Variants in EPHA6 observed in about 807,000 individuals in gnomAD.
The protein encoded by EPHA6 is EPH receptor A6, also known as ephrin type-A receptor 6.
Under a neutral mutation model 112.0 loss-of-function variants are expected in EPHA6, and 50 were observed. The ratio of observed to expected loss-of-function variants is 0.45; its 90% CI spans 0.36 to 0.56. EPHA6 has a LOEUF of 0.56. Ranked by LOEUF, EPHA6 falls within the 20% of genes least tolerant of loss-of-function variation. The pLI, the probability that EPHA6 is intolerant of heterozygous loss-of-function variation, is 0.00. For missense variants in EPHA6, 1,280 were observed against 1,417.4 expected, an observed-to-expected ratio of 0.90 and a Z score of 1.56; for synonymous variants, 529 against 490.7, an observed-to-expected ratio of 1.08 and a Z score of -1.03.
intron 10 of EPHA6, among the ~76,000 whole-genome samples, chr3:97,494,364 C>T (rs2091925071): frequency 1.3e-5 from 2 of 152,134 alleles, no homozygotes; most frequent in African/African-American, 2.4e-5. Context: ...TAACCTGTCT[C>T]GTCTTTTCCT....
rs1278939329 is a variant in EPHA6 at position 96,814,643 on chromosome 3, C to T, written c.20C>T (p.Pro7Leu). 6.8e-7 allele frequency: 1 copy of T among 1,472,722 alleles called. No homozygotes were observed. Among genetic ancestry groups the T allele is most frequent in the Middle Eastern group, 2.6e-4 (1 of 3,870 alleles). 91.2% of individuals were successfully genotyped at this position (1,472,722 alleles called of 1,614,324 possible). ...TGGTGGATGCAATTCCCCTCGCCTC[C>T]AGCCGCGAGGAGCTCCCCGGCGCCG... MQFPSP[P>L]AARSSPAPQA... The change falls in exon 1 of 18, where the codon CCA (proline) becomes CTA (leucine). Residue 7 changes from proline (P) to leucine (L), a missense_variant. Coordinates refer to ENST00000389672, the MANE Select transcript of EPHA6 (RefSeq NM_001080448.3).
intron 14 of EPHA6, among the ~76,000 whole-genome samples, chr3:97,649,603 C>T (rs2094093005): frequency 4.6e-5 from 7 of 151,882 alleles, no homozygotes; most frequent in Admixed American, 4.6e-4. Context: ...TATCAGAATG[C>T]TATGATGTGA....
At chr3:97,234,451 C>A (rs2078623186) in intron 4 of EPHA6, among the ~76,000 whole-genome samples, 1 of 152,104 alleles carries the variant, frequency 6.6e-6, no homozygotes, top group Non-Finnish European at 1.5e-5. Context: ...CCCATTCACT[C>A]TACTACAAGA....
In EPHA6 at chr3:97,062,455, C is replaced by CA. The variant is rs956788341; in HGVS notation, c.1114+74463dup. On this transcript the variant is annotated intron_variant, in intron 3 of 17. Transcript: ENST00000389672. ...TATCTGACCAAGGTCTAACACCCAG[C>CA]ATCTACAAGGCACTTAAACAAATTT... 1.1e-3 allele frequency among the ~76,000 whole-genome samples: 162 copies of CA among 152,228 alleles called. 1 individual carries two copies. Among genetic ancestry groups the CA allele is most frequent in the African/African-American group, 3.7e-3 (153 of 41,548 alleles).
intron 1 of EPHA6, among the ~76,000 whole-genome samples, chr3:96,866,411 T>C (rs1033447257): frequency 1.3e-5 from 2 of 151,992 alleles, no homozygotes; most frequent in Admixed American, 1.3e-4. Context: ...ATAAGGACAT[T>C]TAATAGCACA....
At chr3:97,678,177 G>A (rs575936363) in intron 14 of EPHA6, among the ~76,000 whole-genome samples, 2 of 152,258 alleles carry the variant, frequency 1.3e-5, no homozygotes, top group African/African-American at 4.8e-5. Context: ...GAGGTTCAAA[G>A]TAGTGTGTTT....
chr3:97,277,913 TA>T (rs1241856318), intron 5 of EPHA6, among the ~76,000 whole-genome samples: 1 of 152,140 alleles, frequency 6.6e-6, no homozygotes, highest in African/African-American at 2.4e-5. Context: ...ACTAAATTTA[TA>T]AAAAGAAAGT....
chr3:97,482,330 G>A (rs1476500399), intron 9 of EPHA6, among the ~76,000 whole-genome samples: 1 of 152,180 alleles, frequency 6.6e-6, no homozygotes, highest in Non-Finnish European at 1.5e-5. Flanking sequence ...TACTAGGTTT[G>A]AGGTTATAGA....
At chr3:96,851,872 C>G (rs1216262531) in intron 1 of EPHA6, among the ~76,000 whole-genome samples, 1 of 152,068 alleles carries the variant, frequency 6.6e-6, no homozygotes, top group Non-Finnish European at 1.5e-5. Context: ...CAAGATCTTG[C>G]AGGGACGCAG....
intron 11 of EPHA6, among the ~76,000 whole-genome samples, chr3:97,545,910 T>A (rs1389653090): frequency 1.3e-5 from 2 of 152,202 alleles, no homozygotes; most frequent in Non-Finnish European, 2.9e-5. Context: ...TTGTTTTCCA[T>A]TTGCTTGGTA....
chr3:97,108,973 G>A (rs1500704), intron 3 of EPHA6, among the ~76,000 whole-genome samples: 39,838 of 152,004 alleles, frequency 0.26, 8,287 homozygotes, highest in African/African-American at 0.57. Context: ...CAACACTCCA[G>A]GGACTGAGCA....
intron 5 of EPHA6, among the ~76,000 whole-genome samples, chr3:97,310,177 T>A (rs2081490607): frequency 6.6e-6 from 1 of 151,566 alleles, no homozygotes; most frequent in South Asian, 2.1e-4. Flanking sequence ...AATACTATAT[T>A]GGTTAGAAGT....
intron 5 of EPHA6, among the ~76,000 whole-genome samples, chr3:97,250,171 C>T (rs1312174700): frequency 6.6e-6 from 1 of 152,114 alleles, no homozygotes; most frequent in African/African-American, 2.4e-5. Flanking sequence ...TGGAAAGTAA[C>T]AAGAAAGTAT....
intron 10 of EPHA6, among the ~76,000 whole-genome samples, chr3:97,490,093 A>G: frequency 6.6e-6 from 1 of 152,098 alleles, no homozygotes; most frequent in East Asian, 1.9e-4. Context: ...AATAAATAAA[A>G]TTCTTAAACT....
intron 3 of EPHA6, among the ~76,000 whole-genome samples, chr3:97,066,340 G>T (rs1322888316): frequency 6.6e-6 from 1 of 151,930 alleles, no homozygotes; most frequent in Non-Finnish European, 1.5e-5. Flanking sequence ...TAACAAAAGT[G>T]AAAATTTCTC....
intron 5 of EPHA6, among the ~76,000 whole-genome samples, chr3:97,280,702 T>C (rs1054478395): frequency 1.3e-5 from 2 of 152,220 alleles, no homozygotes; most frequent in African/African-American, 2.4e-5. Context: ...TTCATACTTA[T>C]AGTTTCCTTA....
intron 5 of EPHA6, among the ~76,000 whole-genome samples, chr3:97,319,689 A>G (rs1329258952): frequency 6.8e-6 from 1 of 146,112 alleles, no homozygotes; most frequent in Admixed American, 6.8e-5. Context: ...AACAAAAAAC[A>G]AAAAAAAAAC....
intron 3 of EPHA6, among the ~76,000 whole-genome samples, chr3:97,190,750 GAGATATACCTAAGGCT>G (rs2077280991): frequency 1.3e-5 from 2 of 151,918 alleles, no homozygotes; most frequent in Non-Finnish European, 2.9e-5. Flanking sequence ...ATAGCATTGG[GAGATATACCTAAGGCT>G]AGATGACGAG....
rs6798821 is a variant in EPHA6, at chr3:97,251,131, A to C, written c.1606+6844A>C. ...TCCACCCACCTTGGCCTCCCAAAGT[A>C]CTGGGATTACAGGCATGAGCCACGG... On this transcript the variant is annotated intron_variant, in intron 5 of 17. Coordinates refer to ENST00000389672, the MANE Select transcript of EPHA6 (RefSeq NM_001080448.3). Among the ~76,000 whole-genome samples, 312 of 152,144 alleles carry C rather than the reference A, an allele frequency of 2.1e-3. 3 individuals are homozygous for C. The highest frequency in any genetic ancestry group is 7.3e-3 in the African/African-American group (303 of 41,538).
Sources: allele counts gnomAD v4.1 joint callset (sites outside exome capture counted in the v4.1 genomes callset), GRCh38; gene constraint gnomAD v4.1.1; transcripts MANE v1.5; gene names NCBI Gene and HGNC (gene_info 2026-07-23, HGNC 2026-07-21).